RFWD3: variants seen among roughly 807,000 people sequenced by gnomAD.
RFWD3 encodes ring finger and WD repeat domain 3, also known as E3 ubiquitin-protein ligase RFWD3.
A neutral mutation model predicts 87.7 loss-of-function variants in RFWD3; 65 were observed. The observed-to-expected ratio is 0.74, with a 90% CI of 0.61 to 0.91. The LOEUF (loss-of-function observed/expected upper bound fraction) is 0.91, where lower values mean the gene tolerates loss of function less well. Among genes scored for constraint, RFWD3 ranks in the 40% least tolerant of loss-of-function variants. The pLI is 0.00. For synonymous variants in RFWD3, 433 were observed against 352.8 expected (o/e 1.23, Z -2.55); for missense variants, 1,078 against 938.5 (o/e 1.15, Z -1.94).
rs761677193 is a variant in RFWD3, at chr16:74,626,458, G to GT, written c.2065dup (p.Thr689AsnfsTer23). On this transcript the variant is annotated frameshift_variant, in exon 12 of 13. Transcript: ENST00000361070. LOFTEE classifies it high-confidence loss of function. ...TTTGCAAGTAGGTCCTCCAAAAAAT[G>GT]TATGTACAGGCTGGCAGGAGCAGAT... 1 of 1,614,052 alleles carries GT rather than the reference G, an allele frequency of 6.2e-7. No individual in the cohort carries two copies.
At position 74,636,944 on chromosome 16, in the gene RFWD3, C is replaced by T. The variant is rs180927860; in HGVS notation, c.1195-367G>A. On this transcript the variant is annotated intron_variant, in intron 7 of 12. Coordinates refer to ENST00000361070, the MANE Select transcript of RFWD3 (RefSeq NM_018124.4). ...GCCGGGCTGGTCTTGAACTCCTGAC[C>T]TCAGGTGATCCACCCGCCTCGGCCG... is the stretch of plus-strand genomic sequence containing the variant. Among the ~76,000 whole-genome samples, 1,267 of 151,876 alleles carry T rather than the reference C, an allele frequency of 8.3e-3. 8 individuals are homozygous for T. Among genetic ancestry groups the T allele is most frequent in the Non-Finnish European group, 0.013 (883 of 67,932 alleles).
At chr16:74,664,919 TCCTA>T (rs1410209903) in intron 1 of RFWD3, among the ~76,000 whole-genome samples, 1 of 152,154 alleles carries the variant, frequency 6.6e-6, no homozygotes, top group Non-Finnish European at 1.5e-5. Context: ...AGCTGAAGCT[TCCTA>T]ACCACTGTAG....
At chr16:74,639,027 G>A (rs1010110028) in intron 6 of RFWD3, among the ~76,000 whole-genome samples, 1 of 143,532 alleles carries the variant, frequency 7.0e-6, no homozygotes, top group Non-Finnish European at 1.5e-5. Context: ...GTAATGCATT[G>A]AGCTAAGACT....
chr16:74,630,517 T>C (rs763421582), intron 10 of RFWD3, among the ~76,000 whole-genome samples: 3 of 152,248 alleles, frequency 2.0e-5, no homozygotes, highest in Non-Finnish European at 2.9e-5. Flanking sequence ...GTTCTGAATA[T>C]AGATCTGACT....
At chr16:74,636,066 G>A (rs566706419) in intron 8 of RFWD3, among the ~76,000 whole-genome samples, 6 of 152,228 alleles carry the variant, frequency 3.9e-5, no homozygotes, top group African/African-American at 1.4e-4. Context: ...GGACATATAA[G>A]TCCTTCTTGG....
intron 3 of RFWD3, among the ~76,000 whole-genome samples, chr16:74,649,850 G>A (rs1267122986): frequency 6.6e-6 from 1 of 152,058 alleles, no homozygotes; most frequent in East Asian, 1.9e-4. Flanking sequence ...TGATTTGTCA[G>A]GTCATTTGTC....
chr16:74,657,367 G>T (rs1447592861), intron 2 of RFWD3, among the ~76,000 whole-genome samples: 1 of 151,944 alleles, frequency 6.6e-6, no homozygotes, highest in African/African-American at 2.4e-5. Flanking sequence ...CCTGAATTAT[G>T]AAAAAGTTGA....
intron 8 of RFWD3, 72 bp downstream of exon 8, chr16:74,636,274 T>G (rs536331945): frequency 6.0e-5 from 85 of 1,409,938 alleles, no homozygotes; most frequent in Non-Finnish European, 7.8e-5. Flanking sequence ...GTCTTGAATT[T>G]TCCAAAAGGC....
intron 1 of RFWD3, among the ~76,000 whole-genome samples, chr16:74,664,974 C>A (rs1310214075): frequency 6.6e-6 from 1 of 152,216 alleles, no homozygotes; most frequent in Non-Finnish European, 1.5e-5. Context: ...ATGGGCTGGG[C>A]ACCCCAAACC....
intron 12 of RFWD3, 72 bp downstream of exon 12, chr16:74,626,271 T>A: frequency 7.2e-7 from 1 of 1,392,716 alleles, no homozygotes; most frequent in East Asian, 2.3e-5. Flanking sequence ...GTAAAAAAAG[T>A]TCATGTTTTC....
chr16:74,632,804 A>C, intron 8 of RFWD3, 131 bp from the exon 9 acceptor site: 2 of 742,174 alleles, frequency 2.7e-6, no homozygotes, highest in East Asian at 2.8e-5. Context: ...TGGTCAAACA[A>C]AAATTCTCTA....
chr16:74,634,225 C>G (rs767495570), intron 8 of RFWD3, among the ~76,000 whole-genome samples: 1 of 152,072 alleles, frequency 6.6e-6, no homozygotes, highest in Non-Finnish European at 1.5e-5. Flanking sequence ...TATGTCACAT[C>G]TGTCTGAAAT....
intron 3 of RFWD3, among the ~76,000 whole-genome samples, chr16:74,651,631 G>GA (rs1597447094): frequency 6.6e-6 from 1 of 151,220 alleles, no homozygotes; most frequent in African/African-American, 2.4e-5. Flanking sequence ...CCTCAAAAAA[G>GA]AAAAAAAAGA....
chr16:74,647,958 A>AT (rs1303975777), intron 4 of RFWD3, among the ~76,000 whole-genome samples: 3 of 151,716 alleles, frequency 2.0e-5, no homozygotes, highest in Non-Finnish European at 4.4e-5. Context: ...TTTAATTTTA[A>AT]TTTTTTTATT....
At chr16:74,645,745 C>CTTTTTTTTTTT (rs71376293) in intron 4 of RFWD3, among the ~76,000 whole-genome samples, 3 of 74,212 alleles carry the variant, frequency 4.0e-5, no homozygotes, top group Non-Finnish European at 7.0e-5. Context: ...CAAATATTTT[C>CTTTTTTTTTTT]TTTTTTTTTT....
intron 3 of RFWD3, among the ~76,000 whole-genome samples, chr16:74,649,954 CCAT>C (rs1453533141): frequency 2.6e-5 from 4 of 152,166 alleles, no homozygotes; most frequent in African/African-American, 2.4e-5. Context: ...GCAACCACCA[CCAT>C]AACCCAATTT....
chr16:74,649,879 A>C (rs1438969797), intron 3 of RFWD3, among the ~76,000 whole-genome samples: 2 of 152,128 alleles, frequency 1.3e-5, no homozygotes, highest in Non-Finnish European at 2.9e-5. Flanking sequence ...TGTCCTACAC[A>C]TCCTGGATTT....
chr16:74,655,472 C>T (rs1285186945), intron 2 of RFWD3, among the ~76,000 whole-genome samples: 1 of 151,328 alleles, frequency 6.6e-6, no homozygotes. Flanking sequence ...TGGTCTCGAT[C>T]TCCTGACCTC....
intron 12 of RFWD3, 78 bp from the exon 13 acceptor site, chr16:74,624,149 G>T (rs1958850232): frequency 2.0e-6 from 3 of 1,504,274 alleles, no homozygotes; most frequent in South Asian, 1.3e-5. Context: ...CATCTAACAA[G>T]TCTGAAAGGC....
Sources: allele counts gnomAD v4.1 joint callset (sites outside exome capture counted in the v4.1 genomes callset), GRCh38; gene constraint gnomAD v4.1.1; transcripts MANE v1.5; gene names NCBI Gene and HGNC (gene_info 2026-07-23, HGNC 2026-07-21).